Variants in SHROOM2 observed in about 807,000 individuals in gnomAD.
SHROOM2 encodes the protein protein Shroom2.
A neutral mutation model predicts 75.9 loss-of-function variants in SHROOM2; 33 were observed. That is an observed-to-expected ratio of 0.43 (90% CI 0.33 to 0.58). The LOEUF (loss-of-function observed/expected upper bound fraction) is 0.58, where lower values mean the gene tolerates loss of function less well. Among genes scored for constraint, SHROOM2 ranks in the 20% least tolerant of loss-of-function variants. The pLI is 0.04. For synonymous variants in SHROOM2, 655 were observed against 663.6 expected (o/e 0.99, Z 0.20); for missense variants, 1,434 against 1,461.2 (o/e 0.98, Z 0.30).
At chrX:9,900,047 G>C (rs976427734) in intron 5 of SHROOM2, among the ~76,000 whole-genome samples, 6 of 111,710 alleles carry the variant, frequency 5.4e-5, no homozygotes, top group Non-Finnish European at 1.1e-4. Flanking sequence ...GAATGGCACT[G>C]TCGATACTGA....
At chrX:9,939,774 T>G (rs1487612640) in intron 8 of SHROOM2, among the ~76,000 whole-genome samples, 1 of 111,475 alleles carries the variant, frequency 9.0e-6, no homozygotes, top group Non-Finnish European at 1.9e-5. Flanking sequence ...AGGAAAATTA[T>G]TTTCAAATTA....
intron 1 of SHROOM2, among the ~76,000 whole-genome samples, chrX:9,838,282 G>C (rs760957826): frequency 9.1e-6 from 1 of 109,814 alleles, no homozygotes; most frequent in African/African-American, 3.3e-5. Flanking sequence ...GGATGGTCTC[G>C]ATCTCCTGAC....
intron 5 of SHROOM2, among the ~76,000 whole-genome samples, chrX:9,916,194 T>C (rs2084489176): frequency 8.9e-6 from 1 of 112,422 alleles, no homozygotes; most frequent in Non-Finnish European, 1.9e-5. Context: ...CCCTCAATCC[T>C]ATCACCCAGA....
intron 1 of SHROOM2, among the ~76,000 whole-genome samples, chrX:9,815,578 C>CTATATCTATATCTATATCTATATG: frequency 9.6e-6 from 1 of 104,491 alleles, no homozygotes; most frequent in Admixed American, 1.1e-4. Flanking sequence ...TATCCTATAT[C>CTATATCTATATCTATATCTATATG]TATATCTATA....
At chrX:9,933,450 A>G (rs1456680244) in intron 6 of SHROOM2, among the ~76,000 whole-genome samples, 3 of 111,771 alleles carry the variant, frequency 2.7e-5, no homozygotes, top group African/African-American at 9.8e-5. Context: ...TGAGATGCTG[A>G]TGAATGTTAG....
intron 8 of SHROOM2, among the ~76,000 whole-genome samples, chrX:9,940,414 C>T (rs1473534050): frequency 8.9e-6 from 1 of 111,773 alleles, no homozygotes. Context: ...CTGTGGGGCA[C>T]TCTGTCCACC....
chrX:9,866,467 C>T (rs2084139259), intron 1 of SHROOM2, among the ~76,000 whole-genome samples: 1 of 110,163 alleles, frequency 9.1e-6, no homozygotes, highest in Admixed American at 9.7e-5. Flanking sequence ...GATTTCTGGT[C>T]ACTGTGATTT....
At chrX:9,877,599 A>G (rs749990559) in intron 2 of SHROOM2, among the ~76,000 whole-genome samples, 7 of 111,342 alleles carry the variant, frequency 6.3e-5, no homozygotes, top group Admixed American at 2.8e-4. Context: ...GCCCAGGCCC[A>G]CCCCTGGAGA....
rs2084322718 is a variant in SHROOM2, at chrX:9,895,503, C to T, written c.1595C>T (p.Thr532Ile). 1.7e-6 allele frequency: 2 copies of T among 1,205,176 alleles called. No individual in the cohort carries two copies. The highest frequency in any genetic ancestry group is 2.2e-6 in the Non-Finnish European group (2 of 892,793). Reference protein sequence around the residue: ...QPEGPPDARETGRCYPLDKGA... With the variant: ...QPEGPPDAREIGRCYPLDKGA... Reference sequence around the variant, plus strand: ...GAGGGTCCTCCGGATGCCCGCGAGACAGGACGGTGTTACCCGCTGGACAAA... The same window carrying T: ...GAGGGTCCTCCGGATGCCCGCGAGATAGGACGGTGTTACCCGCTGGACAAA... Residue 532 changes from threonine (T) to isoleucine (I), a missense_variant, in exon 4 of 10, where the codon ACA becomes ATA. Transcript: ENST00000380913.
At chrX:9,813,027 G>A (rs549292699) in intron 1 of SHROOM2, among the ~76,000 whole-genome samples, 2 of 110,573 alleles carry the variant, frequency 1.8e-5, no homozygotes, top group South Asian at 3.7e-4. Flanking sequence ...GGCTAAATGG[G>A]AGAGTTGAAC....
chrX:9,809,199 T>C (rs750998988), intron 1 of SHROOM2, among the ~76,000 whole-genome samples: 165 of 111,104 alleles, frequency 1.5e-3, no homozygotes, highest in Non-Finnish European at 2.3e-3. Flanking sequence ...GTAGGCCATC[T>C]GCAAGCTGAG....
intron 1 of SHROOM2, among the ~76,000 whole-genome samples, chrX:9,845,126 C>G (rs1051817791): frequency 8.9e-6 from 1 of 112,205 alleles, no homozygotes; most frequent in Admixed American, 9.5e-5. Context: ...ACATGAAGGT[C>G]GTGGCTGTGT....
intron 1 of SHROOM2, among the ~76,000 whole-genome samples, chrX:9,821,106 C>G (rs768719303): frequency 8.9e-6 from 1 of 111,741 alleles, no homozygotes; most frequent in Non-Finnish European, 1.9e-5. Flanking sequence ...CACTCTAGAC[C>G]TACCGAACCC....
chrX:9,822,877 C>T (rs1333473026), intron 1 of SHROOM2, among the ~76,000 whole-genome samples: 1 of 112,209 alleles, frequency 8.9e-6, no homozygotes, highest in Non-Finnish European at 1.9e-5. Flanking sequence ...TCTCTGAGGA[C>T]TCCCAGCAAA....
Position 9,855,893 on chromosome X carries a change from G to T in SHROOM2, c.166-17759G>T, listed in dbSNP as rs146215836. Among the ~76,000 whole-genome samples, 24 of 111,495 alleles carry T rather than the reference G, an allele frequency of 2.2e-4. No homozygotes were observed. In the East Asian group the frequency reaches 6.7e-3, roughly 31 times the overall value. ...GCAGATTCCACCATCCTGGCAGAAGGTTGCATACCCGCCAAAGCGCACTAA... is the reference window on the plus strand; with the variant it reads ...GCAGATTCCACCATCCTGGCAGAAGTTTGCATACCCGCCAAAGCGCACTAA... On this transcript the variant is annotated intron_variant, in intron 1 of 9. Transcript: ENST00000380913.
At chrX:9,792,520 G>T (rs1175158305) in intron 1 of SHROOM2, among the ~76,000 whole-genome samples, 1 of 107,324 alleles carries the variant, frequency 9.3e-6, no homozygotes, top group Non-Finnish European at 1.9e-5. Context: ...GGCAATGAGG[G>T]CTGCTTCTTT....
chrX:9,865,481 A>G (rs2084129968), intron 1 of SHROOM2: 1 of 107,541 alleles, frequency 9.3e-6, no homozygotes, highest in Admixed American at 1.0e-4. Context: ...GAGCCACTTC[A>G]GCCCATTTGC....
chrX:9,943,485 A>G, intron 8 of SHROOM2, among the ~76,000 whole-genome samples: 1 of 111,541 alleles, frequency 9.0e-6, no homozygotes, highest in East Asian at 2.8e-4. Flanking sequence ...CTTGGGCAAC[A>G]TAGCAAGACC....
At chrX:9,847,738 T>C (rs1244902141) in intron 1 of SHROOM2, among the ~76,000 whole-genome samples, 1 of 112,038 alleles carries the variant, frequency 8.9e-6, no homozygotes, top group Non-Finnish European at 1.9e-5. Flanking sequence ...GTCTGCATTC[T>C]GGTAATGCCT....
Sources: allele counts gnomAD v4.1 joint callset (sites outside exome capture counted in the v4.1 genomes callset), GRCh38; gene constraint gnomAD v4.1.1; transcripts MANE v1.5; gene names NCBI Gene and HGNC (gene_info 2026-07-23, HGNC 2026-07-21).